The following PACSIN2 variants were observed in gnomAD, a reference collection of about 807,000 sequenced individuals.
The protein encoded by PACSIN2 is protein kinase C and casein kinase substrate in neurons protein 2.
A neutral mutation model predicts 63.8 loss-of-function variants in PACSIN2; 25 were observed. The observed-to-expected ratio is 0.39, with a 90% confidence interval of 0.29 to 0.55. The LOEUF is 0.55. Among genes scored for constraint, PACSIN2 ranks in the 20% least tolerant of loss-of-function variants. The pLI, the probability that PACSIN2 is intolerant of heterozygous loss-of-function variation, is 0.62. For missense variants in PACSIN2, 518 were observed against 646.9 expected, an observed-to-expected ratio of 0.80 and a Z score of 2.16; for synonymous variants, 255 against 256.2, an observed-to-expected ratio of 1.00 and a Z score of 0.05.
chr22:42,892,291 G>A (rs1228280624), intron 3 of PACSIN2, among the ~76,000 whole-genome samples: 3 of 152,178 alleles, frequency 2.0e-5, no homozygotes, highest in Non-Finnish European at 4.4e-5. Context: ...CAGTGACCAA[G>A]TGCGCTGAGT....
intron 1 of PACSIN2, among the ~76,000 whole-genome samples, chr22:42,966,585 T>C (rs1252926410): frequency 6.6e-6 from 1 of 152,170 alleles, no homozygotes; most frequent in Non-Finnish European, 1.5e-5. Context: ...AACAGTGAAG[T>C]GAGACTAATT....
At chr22:42,891,262 T>C (rs1322512456) in intron 3 of PACSIN2, 80 bp from the exon 4 acceptor site, 3 of 867,626 alleles carry the variant, frequency 3.5e-6, no homozygotes, top group South Asian at 3.0e-5. Context: ...GGCTGTTCAA[T>C]GTGGCCATTT....
intron 1 of PACSIN2, among the ~76,000 whole-genome samples, chr22:42,991,169 G>A (rs994013540): frequency 6.6e-6 from 1 of 152,224 alleles, no homozygotes; most frequent in African/African-American, 2.4e-5. Flanking sequence ...GGAAGCTGCT[G>A]TACAATGGTA....
chr22:42,948,793 T>C (rs922606454), intron 1 of PACSIN2, among the ~76,000 whole-genome samples: 1 of 152,216 alleles, frequency 6.6e-6, no homozygotes, highest in Non-Finnish European at 1.5e-5. Flanking sequence ...AGCACTCTAC[T>C]GTAGAGAAGA....
At chr22:42,905,841 TA>T (rs1931037439) in intron 2 of PACSIN2, among the ~76,000 whole-genome samples, 1 of 152,190 alleles carries the variant, frequency 6.6e-6, no homozygotes, top group African/African-American at 2.4e-5. Flanking sequence ...CTGTTTGCCC[TA>T]AAAGCAGGAA....
In PACSIN2 at chr22:42,912,105, A is replaced by G; in HGVS notation, c.-25T>C. ...TTTTTTCAAAGGCTGAGGGAGCAGC[A>G]AAGTATACTTAGTCAGGGGTCAACT... On this transcript the variant is annotated 5_prime_UTR_variant, in exon 2 of 11. Coordinates refer to ENST00000263246, the MANE Select transcript of PACSIN2 (RefSeq NM_001184970.3). 1.3e-6 allele frequency: 2 copies of G among 1,566,692 alleles called. No homozygotes were observed. Among genetic ancestry groups the G allele is most frequent in the Non-Finnish European group, 1.7e-6 (2 of 1,153,550 alleles).
chr22:42,996,262 G>A (rs1055998931), intron 1 of PACSIN2, among the ~76,000 whole-genome samples: 11 of 151,400 alleles, frequency 7.3e-5, no homozygotes, highest in African/African-American at 2.2e-4. Context: ...CACTGGACGC[G>A]GTGGCTCACG....
At chr22:42,964,492 A>C (rs1333530800) in intron 1 of PACSIN2, among the ~76,000 whole-genome samples, 1 of 151,876 alleles carries the variant, frequency 6.6e-6, no homozygotes, top group African/African-American at 2.4e-5. Flanking sequence ...AGAATACCAC[A>C]GATTGCAGTT....
intron 1 of PACSIN2, among the ~76,000 whole-genome samples, chr22:42,985,406 C>T (rs888644957): frequency 6.6e-6 from 1 of 152,206 alleles, no homozygotes; most frequent in Non-Finnish European, 1.5e-5. Context: ...CTGATGGGCT[C>T]CACGTTCTGC....
chr22:42,890,089 C>T (rs1355365228), intron 4 of PACSIN2, among the ~76,000 whole-genome samples: 1 of 151,312 alleles, frequency 6.6e-6, no homozygotes, highest in Non-Finnish European at 1.5e-5. Context: ...GCAACTTCCA[C>T]CTCCTGGGTT....
chr22:42,912,310 C>A (rs1931514914), intron 1 of PACSIN2, among the ~76,000 whole-genome samples, 153 bp from the exon 2 acceptor site: 1 of 152,230 alleles, frequency 6.6e-6, no homozygotes, highest in Admixed American at 6.5e-5. Context: ...CCAGTAGACT[C>A]TAATCAACTC....
At chr22:43,008,222 C>A (rs1312081115) in intron 1 of PACSIN2, among the ~76,000 whole-genome samples, 3 of 152,152 alleles carry the variant, frequency 2.0e-5, no homozygotes, top group Non-Finnish European at 4.4e-5. Context: ...AAATAAGCCA[C>A]CTAACATCTG....
At chr22:43,002,663 A>G (rs927049632) in intron 1 of PACSIN2, among the ~76,000 whole-genome samples, 6 of 152,158 alleles carry the variant, frequency 3.9e-5, no homozygotes, top group African/African-American at 1.2e-4. Context: ...TAAGGTGTTC[A>G]TACCCTTTAA....
chr22:42,967,738 A>C (rs1171206330), intron 1 of PACSIN2, among the ~76,000 whole-genome samples: 3 of 152,102 alleles, frequency 2.0e-5, no homozygotes, highest in African/African-American at 7.2e-5. Flanking sequence ...AATACAAAAA[A>C]TTAGCCGGGC....
chr22:42,997,651 T>C (rs910197950), intron 1 of PACSIN2, among the ~76,000 whole-genome samples: 3 of 152,030 alleles, frequency 2.0e-5, no homozygotes, highest in African/African-American at 4.8e-5. Context: ...AGTCCATTTC[T>C]AGGGGGAAAG....
At chr22:42,936,713 C>T (rs1334959733) in intron 1 of PACSIN2, among the ~76,000 whole-genome samples, 1 of 152,070 alleles carries the variant, frequency 6.6e-6, no homozygotes, top group African/African-American at 2.4e-5. Context: ...GGGTTCAAGA[C>T]CAGCCTGGCC....
intron 7 of PACSIN2, among the ~76,000 whole-genome samples, chr22:42,881,358 A>G (rs972960254): frequency 2.0e-5 from 3 of 152,172 alleles, no homozygotes; most frequent in African/African-American, 7.2e-5. Context: ...ACTGAGTCAC[A>G]AAAAGGGCGA....
intron 1 of PACSIN2, among the ~76,000 whole-genome samples, chr22:42,955,476 GA>G (rs112592077): frequency 0.065 from 9,409 of 144,198 alleles, 901 homozygotes; most frequent in African/African-American, 0.21. Context: ...GCATCAGGGG[GA>G]AAAAAAAAAA....
intron 1 of PACSIN2, among the ~76,000 whole-genome samples, chr22:42,950,402 T>TCAGAGGGAGGGAGGGAAGGA (rs1933630279): frequency 8.5e-4 from 1 of 1,178 alleles, no homozygotes. Flanking sequence ...CAGATTAGGC[T>TCAGAGGGAGGGAGGGAAGGA]GAGAGGGAGG....
Sources: gnomAD v4.1 joint callset for allele counts (sites outside exome capture counted in the v4.1 genomes callset) on GRCh38, gnomAD v4.1.1 for gene constraint, MANE v1.5 for transcripts, NCBI Gene and HGNC (gene_info 2026-07-23, HGNC 2026-07-21) for gene names.